The following SRP19 variants were observed in gnomAD, a reference collection of about 807,000 sequenced individuals.
SRP19 encodes signal recognition particle 19 kDa protein.
In SRP19, 11 loss-of-function variants were observed where a neutral mutation model predicts 22.4. The observed-to-expected ratio is 0.49, with a 90% CI of 0.31 to 0.81. SRP19 has a LOEUF of 0.81. Ranked by LOEUF, SRP19 falls within the 40% of genes least tolerant of loss-of-function variation. SRP19 has a pLI of 0.05. For missense variants in SRP19, 168 were observed against 175.9 expected (o/e 0.96, Z 0.25); for synonymous variants, 61 against 57.6 (o/e 1.06, Z -0.27).
intron 4 of SRP19, among the ~76,000 whole-genome samples, chr5:112,881,015 G>A (rs1167324476): frequency 6.6e-6 from 1 of 150,796 alleles, no homozygotes; most frequent in East Asian, 2.0e-4. Context: ...TGTAATCACA[G>A]CTACTTGGGA....
rs1238842301 is a variant in SRP19 at position 112,861,437 on chromosome 5, G to T, written c.41+20G>T. On this transcript the variant is annotated intron_variant, in intron 1 of 4. Coordinates refer to ENST00000505459, the MANE Select transcript of SRP19 (RefSeq NM_003135.3). Reference sequence around the variant, plus strand: ...GGACAGGTGGGTTCTGAGGCGGTGGGTCCTCCGAAAGGAAGGGGCTTGCTG... The same window carrying T: ...GGACAGGTGGGTTCTGAGGCGGTGGTTCCTCCGAAAGGAAGGGGCTTGCTG... 1 of 1,610,620 alleles carries T rather than the reference G, an allele frequency of 6.2e-7. No homozygotes were observed. Among genetic ancestry groups the T allele is most frequent in the East Asian group, 2.2e-5 (1 of 44,774 alleles).
At chr5:112,876,506 T>C (rs1204534050) in intron 4 of SRP19, 2 of 152,234 alleles carry the variant, frequency 1.3e-5, no homozygotes, top group Non-Finnish European at 2.9e-5. Context: ...TAGAGGAGTC[T>C]TCCCGAGAGT....
intron 4 of SRP19, among the ~76,000 whole-genome samples, chr5:112,874,965 AG>A (rs1767862074): frequency 6.6e-6 from 1 of 152,066 alleles, no homozygotes; most frequent in African/African-American, 2.4e-5. Context: ...TAGGAGAGAC[AG>A]GGTTTCACCA....
intron 3 of SRP19, 29 bp from the exon 4 acceptor site, chr5:112,864,592 C>T (rs774240800): frequency 6.2e-7 from 1 of 1,611,740 alleles, no homozygotes; most frequent in African/African-American, 1.3e-5. Context: ...TTCTTAAGTC[C>T]TGTTTTTCTT....
At chr5:112,871,020 T>TTTATG (rs1767746289), downstream of SRP19, among the ~76,000 whole-genome samples, 1 of 152,090 alleles carries the variant, frequency 6.6e-6, no homozygotes, top group Non-Finnish European at 1.5e-5. Context: ...ACCCAGCTAA[T>TTTATG]TTATGTAGTT....
chr5:112,862,368 C>G (rs1767434417), intron 1 of SRP19, 140 bp from the exon 2 acceptor site: 3 of 695,508 alleles, frequency 4.3e-6, no homozygotes, highest in Non-Finnish European at 7.4e-6. Flanking sequence ...AACTGCCACG[C>G]AGAAAAAGGA....
At chr5:112,873,883 C>A (rs1767837320), downstream of SRP19, among the ~76,000 whole-genome samples, 1 of 151,864 alleles carries the variant, frequency 6.6e-6, no homozygotes, top group Non-Finnish European at 1.5e-5. Context: ...TGAGATCTGG[C>A]CTGGGTGCTG....
chr5:112,863,364 T>A (rs1032232628), intron 2 of SRP19, among the ~76,000 whole-genome samples: 2 of 152,202 alleles, frequency 1.3e-5, no homozygotes, highest in African/African-American at 4.8e-5. Flanking sequence ...ATAACAGGGT[T>A]TGTCAATAGC....
chr5:112,882,711 A>G (rs1768118322), intron 4 of SRP19, among the ~76,000 whole-genome samples: 1 of 152,244 alleles, frequency 6.6e-6, no homozygotes, highest in African/African-American at 2.4e-5. Flanking sequence ...AGAGAAGAGT[A>G]GCTGCAACAG....
At chr5:112,874,888 G>C (rs1265385849) in intron 4 of SRP19, among the ~76,000 whole-genome samples, 1 of 151,162 alleles carries the variant, frequency 6.6e-6, no homozygotes, top group East Asian at 1.9e-4. Flanking sequence ...CCATTCTCCT[G>C]CCTCAGCCTC....
intron 2 of SRP19, 110 bp from the exon 3 acceptor site, chr5:112,864,347 C>A: frequency 1.1e-6 from 1 of 924,988 alleles, no homozygotes; most frequent in South Asian, 1.6e-5. Flanking sequence ...AAAAGGAAAC[C>A]TAGGGTTTTG....
rs906919150 is a variant in SRP19 at position 112,869,405 on chromosome 5, T to A, written c.*1868T>A. The stretch of plus-strand genomic sequence containing the variant: ...AAAATTCCTCCCAGCAGGCTTTCAC[T>A]TAGTTTCATTGTTGAGAACTGTGAC... On this transcript the variant is annotated 3_prime_UTR_variant, in exon 5 of 5. Coordinates refer to ENST00000505459, the MANE Select transcript of SRP19 (RefSeq NM_003135.3). The A allele has an allele frequency of 3.9e-5, 6 of 152,186 alleles. No individual in the cohort carries two copies. The highest frequency in any genetic ancestry group is 8.8e-5 in the Non-Finnish European group (6 of 68,042). The allele number at this position is 152,186 out of a possible 1,614,324, so 9.4% of individuals were successfully genotyped here.
At position 112,861,358 on chromosome 5, in the gene SRP19, T is replaced by C; in HGVS notation, c.-19T>C. 6 of 1,614,178 alleles carry C rather than the reference T, an allele frequency of 3.7e-6. No homozygotes were observed. The Middle Eastern group carries it at 5.0e-4, about 134-fold the overall frequency. On this transcript the variant is annotated 5_prime_UTR_variant, in exon 1 of 5. Coordinates refer to ENST00000505459, the MANE Select transcript of SRP19 (RefSeq NM_003135.3). The stretch of plus-strand genomic sequence containing the variant: ...GGGTTTCTCCCTGCGGCTCCTGGGT[T>C]GTTGAGACTCTTGTGAAGATGGCTT...
Position 112,868,192 on chromosome 5 carries a change from T to C in SRP19, c.*655T>C, listed in dbSNP as rs1767670579. On this transcript the variant is annotated 3_prime_UTR_variant, in exon 5 of 5. Transcript: ENST00000505459. Reference sequence around the variant, plus strand: ...TTTAAGAACATGATTTTCATGGGAGTTGTAAAATTAACTGTGCTTTAGCAC... The same window carrying C: ...TTTAAGAACATGATTTTCATGGGAGCTGTAAAATTAACTGTGCTTTAGCAC... The C allele has an allele frequency of 1.3e-5, 13 of 985,424 alleles. No homozygotes were observed. The highest frequency in any genetic ancestry group is 1.6e-5 in the Non-Finnish European group (13 of 829,944). The allele number at this position is 985,424 out of a possible 1,614,324, so 61.0% of individuals were successfully genotyped here.
intron 4 of SRP19, chr5:112,878,883 T>C: frequency 5.6e-6 from 9 of 1,613,572 alleles, no homozygotes; most frequent in East Asian, 4.5e-5. Flanking sequence ...AGCTCTTTCT[T>C]TGGAATGCAA....
rs755142860 is a variant in SRP19 at position 112,887,110 on chromosome 5, C to G, written c.302-4493C>G. On this transcript the variant is annotated intron_variant, in intron 4 of 4. Coordinates refer to the SRP19 transcript ENST00000391338. ...GGACTCGTGCTTCAGGAAGAAAGGA[C>G]GGATGATGCGCTTGTAGAGCAGTTC... 5.6e-6 allele frequency: 9 copies of G among 1,613,400 alleles called. 1 individual carries two copies. The highest frequency in any genetic ancestry group is 7.6e-6 in the Non-Finnish European group (9 of 1,179,880).
downstream of SRP19, among the ~76,000 whole-genome samples, chr5:112,871,492 C>T (rs550704775): frequency 6.6e-6 from 1 of 152,064 alleles, no homozygotes; most frequent in African/African-American, 2.4e-5. Flanking sequence ...TGGTGTGGCT[C>T]ATGCCTGTAA....
At chr5:112,890,453 C>G (rs912134205) in intron 4 of SRP19, among the ~76,000 whole-genome samples, 3 of 150,236 alleles carry the variant, frequency 2.0e-5, no homozygotes, top group Admixed American at 6.6e-5. Flanking sequence ...ACTATAGCCT[C>G]AACTTCCTGG....
downstream of SRP19, chr5:112,894,450 T>C (rs1768616337): frequency 6.6e-6 from 1 of 152,196 alleles, no homozygotes; most frequent in Non-Finnish European, 1.5e-5. Flanking sequence ...ATTCATACAA[T>C]GTTTTACTGT....
Sources: gnomAD v4.1 joint callset for allele counts (sites outside exome capture counted in the v4.1 genomes callset) on GRCh38, gnomAD v4.1.1 for gene constraint, MANE v1.5 for transcripts, NCBI Gene and HGNC (gene_info 2026-07-23, HGNC 2026-07-21) for gene names.